DNER: variants seen among roughly 807,000 people sequenced by gnomAD.
DNER encodes the protein delta/notch like EGF repeat containing, also known as delta and Notch-like epidermal growth factor-related receptor.
Under a neutral mutation model 78.2 loss-of-function variants are expected in DNER, and 33 were observed. The ratio of observed to expected loss-of-function variants is 0.42; its 90% confidence interval spans 0.32 to 0.56. DNER has a LOEUF of 0.56. DNER is among the 20% of genes least tolerant of loss of function. The pLI is 0.11. For synonymous variants in DNER, 417 were observed against 384.8 expected (o/e 1.08, Z -0.98); for missense variants, 918 against 975.3 (o/e 0.94, Z 0.78).
chr2:229,492,737 T>C (rs1047333399), intron 6 of DNER, among the ~76,000 whole-genome samples: 4 of 152,168 alleles, frequency 2.6e-5, no homozygotes, highest in African/African-American at 7.2e-5. Context: ...AGCACAATCA[T>C]AGTTCACTGC....
At chr2:229,673,225 A>G (rs1238508389) in intron 1 of DNER, among the ~76,000 whole-genome samples, 1 of 152,240 alleles carries the variant, frequency 6.6e-6, no homozygotes, top group African/African-American at 2.4e-5. Flanking sequence ...ATGCAAGCCC[A>G]GGATCAGAAC....
intron 4 of DNER, among the ~76,000 whole-genome samples, chr2:229,568,049 G>T (rs80306431): frequency 3.3e-5 from 5 of 152,234 alleles, no homozygotes; most frequent in Non-Finnish European, 7.4e-5. Context: ...ATAAAAGACG[G>T]ATGTCTGAAA....
At chr2:229,615,065 C>T (rs990532476) in intron 1 of DNER, among the ~76,000 whole-genome samples, 1 of 152,082 alleles carries the variant, frequency 6.6e-6, no homozygotes, top group East Asian at 1.9e-4. Context: ...CTGGTGACAC[C>T]TCCCCACCCC....
In DNER at chr2:229,390,614, T is replaced by A. The variant is rs369536648; in HGVS notation, c.1724-2218A>T. The stretch of plus-strand genomic sequence containing the variant: ...AAAAAAATAGGATGACCTCTTTCTG[T>A]AGACATTTATCAAATACAGTATCTA... On this transcript the variant is annotated intron_variant, in intron 10 of 12. Coordinates refer to ENST00000341772, the MANE Select transcript of DNER (RefSeq NM_139072.4). 1.5e-4 allele frequency among the ~76,000 whole-genome samples: 23 copies of A among 152,378 alleles called. 1 individual carries two copies. In the South Asian group the frequency reaches 4.8e-3, roughly 32 times the overall value.
chr2:229,623,723 T>C (rs1698290014), intron 1 of DNER, among the ~76,000 whole-genome samples: 1 of 152,204 alleles, frequency 6.6e-6, no homozygotes, highest in Non-Finnish European at 1.5e-5. Context: ...GTGAGCACTG[T>C]TGTCACCAGC....
At chr2:229,572,880 C>T (rs887629017) in intron 4 of DNER, among the ~76,000 whole-genome samples, 7 of 152,086 alleles carry the variant, frequency 4.6e-5, no homozygotes, top group African/African-American at 1.7e-4. Flanking sequence ...CATGAGACAA[C>T]AAGATTTATC....
rs147042207 is a variant in DNER at position 229,429,332 on chromosome 2, G to A, written c.1487-11102C>T. On this transcript the variant is annotated intron_variant, in intron 8 of 12. Coordinates refer to ENST00000341772, the MANE Select transcript of DNER (RefSeq NM_139072.4). ...CTGGACCATCAGGCATACAGTTGCA[G>A]CTCAGTGCCAGTGTGTCACATCTTC... is the stretch of plus-strand genomic sequence containing the variant. Among the ~76,000 whole-genome samples the A allele has an allele frequency of 2.5e-3, 385 of 152,328 alleles. 1 individual carries two copies. The highest frequency in any genetic ancestry group is 8.9e-3 in the African/African-American group (371 of 41,578).
At chr2:229,531,173 C>T (rs10167687) in intron 5 of DNER, among the ~76,000 whole-genome samples, 3,920 of 152,284 alleles carry the variant, frequency 0.026, 170 homozygotes, top group African/African-American at 0.089. Context: ...TAGGCCAGTA[C>T]TCAAGGCAGC....
chr2:229,662,267 A>G (rs1230012162), intron 1 of DNER, among the ~76,000 whole-genome samples: 1 of 152,216 alleles, frequency 6.6e-6, no homozygotes, highest in African/African-American at 2.4e-5. Context: ...GATGCAGGCT[A>G]TACTTAGTTC....
chr2:229,612,899 A>T (rs1698075167), intron 1 of DNER, among the ~76,000 whole-genome samples: 1 of 152,264 alleles, frequency 6.6e-6, no homozygotes, highest in Non-Finnish European at 1.5e-5. Flanking sequence ...GTAGAAAGCA[A>T]GAACGTATTC....
chr2:229,697,132 G>T (rs1400101478), intron 1 of DNER, among the ~76,000 whole-genome samples: 1 of 152,136 alleles, frequency 6.6e-6, no homozygotes, highest in Non-Finnish European at 1.5e-5. Context: ...AACAAAATGT[G>T]ATATATATGA....
chr2:229,462,835 A>C (rs1190270709), intron 7 of DNER, among the ~76,000 whole-genome samples: 1 of 151,972 alleles, frequency 6.6e-6, no homozygotes, highest in Non-Finnish European at 1.5e-5. Context: ...GCCTCCATTC[A>C]GTTTCCAGAA....
intron 1 of DNER, among the ~76,000 whole-genome samples, chr2:229,597,057 A>G (rs891830692): frequency 2.0e-5 from 3 of 151,790 alleles, no homozygotes; most frequent in Non-Finnish European, 2.9e-5. Flanking sequence ...ACATGCACGC[A>G]CACACAAATG....
At chr2:229,459,961 T>C (rs1385605177) in intron 7 of DNER, among the ~76,000 whole-genome samples, 1 of 151,610 alleles carries the variant, frequency 6.6e-6, no homozygotes, top group Non-Finnish European at 1.5e-5. Context: ...ATCGAGACCA[T>C]CCTGTCTAAC....
intron 12 of DNER, among the ~76,000 whole-genome samples, chr2:229,366,194 A>T (rs1344422263): frequency 6.6e-6 from 1 of 152,190 alleles, no homozygotes; most frequent in Non-Finnish European, 1.5e-5. Flanking sequence ...TTGAAGGAAA[A>T]AGTATATATA....
intron 11 of DNER, among the ~76,000 whole-genome samples, chr2:229,367,833 G>C (rs1299722360): frequency 1.3e-5 from 2 of 152,146 alleles, no homozygotes; most frequent in Admixed American, 1.3e-4. Context: ...CATATGCTCT[G>C]ACCCAGATAT....
At chr2:229,579,552 T>C (rs560589038) in intron 4 of DNER, among the ~76,000 whole-genome samples, 2 of 152,308 alleles carry the variant, frequency 1.3e-5, no homozygotes, top group Non-Finnish European at 2.9e-5. Context: ...AGCGGTGCTC[T>C]ACAATTTTTA....
intron 1 of DNER, among the ~76,000 whole-genome samples, chr2:229,662,261 C>G (rs1298493009): frequency 6.6e-6 from 1 of 152,170 alleles, no homozygotes; most frequent in Non-Finnish European, 1.5e-5. Flanking sequence ...ATTGCAGATG[C>G]AGGCTATACT....
chr2:229,533,217 A>T (rs1236117273), intron 5 of DNER, among the ~76,000 whole-genome samples: 1 of 152,232 alleles, frequency 6.6e-6, no homozygotes, highest in African/African-American at 2.4e-5. Context: ...CATGGCCTGA[A>T]CCAGAACAGA....
Sources: gnomAD v4.1 joint callset for allele counts (sites outside exome capture counted in the v4.1 genomes callset) on GRCh38, gnomAD v4.1.1 for gene constraint, MANE v1.5 for transcripts, NCBI Gene and HGNC (gene_info 2026-07-23, HGNC 2026-07-21) for gene names.